Variants in TMPRSS15 observed in about 807,000 individuals in gnomAD.
The protein encoded by TMPRSS15 is enteropeptidase.
TMPRSS15 carries 128 observed loss-of-function variants against 125.3 expected under a neutral mutation model. The ratio of observed to expected loss-of-function variants is 1.02; its 90% CI spans 0.89 to 1.18. The LOEUF (loss-of-function observed/expected upper bound fraction) is 1.18, where lower values mean the gene tolerates loss of function less well. Among genes scored for constraint, TMPRSS15 ranks in the 50% most tolerant of loss-of-function variants. TMPRSS15 has a pLI of 0.00. For missense variants in TMPRSS15, 1,283 were observed against 1,212.7 expected (o/e 1.06, Z -0.86); for synonymous variants, 446 against 423.2 (o/e 1.05, Z -0.66).
intron 6 of TMPRSS15, among the ~76,000 whole-genome samples, chr21:18,368,687 A>G (rs913513321): frequency 6.6e-6 from 1 of 152,232 alleles, no homozygotes; most frequent in African/African-American, 2.4e-5. Flanking sequence ...TTTCCTGTCC[A>G]GTATTCTATC....
At chr21:18,403,405 T>TA (rs1348814021) in intron 1 of TMPRSS15, 73 bp downstream of exon 1, 10 of 1,598,278 alleles carry the variant, frequency 6.3e-6, no homozygotes, top group Non-Finnish European at 8.6e-6. Context: ...AAAATAGACT[T>TA]ACAGAATAAC....
At chr21:18,483,460 G>A (rs898717635) in intron 1 of TMPRSS15, among the ~76,000 whole-genome samples, 4 of 151,740 alleles carry the variant, frequency 2.6e-5, no homozygotes, top group African/African-American at 9.7e-5. Flanking sequence ...ATATTTTTGA[G>A]ACCCAGGGCA....
intron 4 of TMPRSS15, among the ~76,000 whole-genome samples, chr21:18,379,604 G>A (rs951520100): frequency 2.6e-5 from 4 of 151,908 alleles, no homozygotes; most frequent in Admixed American, 2.0e-4. Context: ...AACTAAATGC[G>A]AGGATTCATT....
chr21:18,344,960 A>G (rs568686342), intron 10 of TMPRSS15, among the ~76,000 whole-genome samples: 1 of 152,320 alleles, frequency 6.6e-6, no homozygotes, highest in South Asian at 2.1e-4. Flanking sequence ...GCTTTGCAAC[A>G]GAAAAATATA....
intron 21 of TMPRSS15, among the ~76,000 whole-genome samples, chr21:18,290,303 C>T (rs1337369728): frequency 1.3e-5 from 2 of 151,076 alleles, no homozygotes; most frequent in African/African-American, 4.9e-5. Context: ...GCCATAAGCA[C>T]ACAAGATCAT....
At chr21:18,344,842 T>C (rs1045645367) in intron 10 of TMPRSS15, among the ~76,000 whole-genome samples, 3 of 152,342 alleles carry the variant, frequency 2.0e-5, no homozygotes, top group Admixed American at 1.3e-4. Context: ...AACTAAATAT[T>C]ATATAAAGCA....
intron 21 of TMPRSS15, among the ~76,000 whole-genome samples, chr21:18,286,279 A>G (rs530375108): frequency 6.6e-6 from 1 of 152,254 alleles, no homozygotes; most frequent in South Asian, 2.1e-4. Flanking sequence ...TTTTATATCT[A>G]CACTGGCCTC....
intron 10 of TMPRSS15, among the ~76,000 whole-genome samples, chr21:18,349,657 A>C (rs2075544034): frequency 6.6e-6 from 1 of 152,208 alleles, no homozygotes; most frequent in Non-Finnish European, 1.5e-5. Flanking sequence ...TTGATTATGA[A>C]ATCACAGGTA....
intron 13 of TMPRSS15, among the ~76,000 whole-genome samples, chr21:18,334,971 A>C (rs575693747): frequency 2.0e-5 from 3 of 152,212 alleles, no homozygotes; most frequent in Non-Finnish European, 2.9e-5. Context: ...TGGGGTGCCG[A>C]GGAAGGCATG....
At chr21:18,463,476 G>A (rs1035974366) in intron 1 of TMPRSS15, among the ~76,000 whole-genome samples, 1 of 151,866 alleles carries the variant, frequency 6.6e-6, no homozygotes, top group Non-Finnish European at 1.5e-5. Context: ...ACCTACAAGA[G>A]ACCTAGACTC....
intron 14 of TMPRSS15, among the ~76,000 whole-genome samples, chr21:18,330,165 C>T (rs540217536): frequency 9.0e-4 from 137 of 152,244 alleles, no homozygotes; most frequent in Middle Eastern, 3.4e-3. Flanking sequence ...CCTACCACAT[C>T]CGATCAATCA....
intron 13 of TMPRSS15, among the ~76,000 whole-genome samples, chr21:18,339,717 G>GA (rs1388878551): frequency 2.0e-5 from 3 of 152,004 alleles, no homozygotes; most frequent in African/African-American, 7.2e-5. Context: ...CAAGTGTAGT[G>GA]AAAAAATCCC....
chr21:18,330,937 G>A (rs1163352490), intron 14 of TMPRSS15, among the ~76,000 whole-genome samples: 2 of 151,990 alleles, frequency 1.3e-5, no homozygotes, highest in Admixed American at 6.6e-5. Context: ...GCGGGGCCTG[G>A]TGGCGGGCGC....
chr21:18,376,747 T>C (rs1379778242), intron 5 of TMPRSS15, among the ~76,000 whole-genome samples: 1 of 152,186 alleles, frequency 6.6e-6, no homozygotes, highest in Admixed American at 6.5e-5. Context: ...CCGTGTAATG[T>C]CACCTCAGTT....
At chr21:18,447,364 C>A (rs540176078) in intron 1 of TMPRSS15, among the ~76,000 whole-genome samples, 5 of 134,966 alleles carry the variant, frequency 3.7e-5, no homozygotes, top group African/African-American at 1.4e-4. Flanking sequence ...TGCTTGAACC[C>A]GGGAGGCAGA....
chr21:18,467,695 G>C (rs1189851116), intron 1 of TMPRSS15, among the ~76,000 whole-genome samples: 2 of 152,072 alleles, frequency 1.3e-5, no homozygotes, highest in African/African-American at 4.8e-5. Context: ...GGGGAAAATT[G>C]TGTGTCTGTG....
At chr21:18,295,890 C>T (rs1177011862) in intron 19 of TMPRSS15, among the ~76,000 whole-genome samples, 4 of 152,188 alleles carry the variant, frequency 2.6e-5, no homozygotes, top group Non-Finnish European at 1.5e-5. Flanking sequence ...CGGTGGCTCA[C>T]GCCTGTAACT....
intron 23 of TMPRSS15, among the ~76,000 whole-genome samples, chr21:18,276,755 CTTTTTTTTT>C (rs372920414): frequency 1.6e-5 from 2 of 121,360 alleles, no homozygotes; most frequent in Non-Finnish European, 3.5e-5. Context: ...AACTGGGATT[CTTTTTTTTT>C]TTTTTTTTTT....
chr21:18,294,716 T>C lies in TMPRSS15; in HGVS notation c.2262-64A>G, dbSNP rs2074881622. The C allele has an allele frequency of 6.4e-6, 9 of 1,397,914 alleles. No individual in the cohort carries two copies. In the South Asian group the frequency reaches 8.1e-5, roughly 13 times the overall value. The allele number at this position is 1,397,914 out of a possible 1,614,324, so 86.6% of individuals were successfully genotyped here. On this transcript the variant is annotated intron_variant, in intron 19 of 24. Coordinates refer to ENST00000284885, the MANE Select transcript of TMPRSS15 (RefSeq NM_002772.3). ...TTTAATATTTTCAAGTCAAACATCATATAGGTTATCCTACTTTTGCTTTAG... is the reference window on the plus strand; with the variant it reads ...TTTAATATTTTCAAGTCAAACATCACATAGGTTATCCTACTTTTGCTTTAG...
Sources: gnomAD v4.1 joint callset for allele counts (sites outside exome capture counted in the v4.1 genomes callset) on GRCh38, gnomAD v4.1.1 for gene constraint, MANE v1.5 for transcripts, NCBI Gene and HGNC (gene_info 2026-07-23, HGNC 2026-07-21) for gene names.